BTBD7: variants seen among roughly 807,000 people sequenced by gnomAD.
BTBD7 encodes BTB domain containing 7.
A neutral mutation model predicts 99.9 loss-of-function variants in BTBD7; 38 were observed. The ratio of observed to expected loss-of-function variants is 0.38; its 90% CI spans 0.29 to 0.50. BTBD7 has a LOEUF of 0.50. BTBD7 is among the 20% of genes least tolerant of loss of function. BTBD7 has a pLI of 0.93. For missense variants in BTBD7, 1,170 were observed against 1,394.6 expected (o/e 0.84, Z 2.57); for synonymous variants, 520 against 511.4 (o/e 1.02, Z -0.23).
chr14:93,300,472 G>A (rs999853260), intron 1 of BTBD7, among the ~76,000 whole-genome samples: 7 of 151,898 alleles, frequency 4.6e-5, no homozygotes, highest in African/African-American at 1.2e-4. Flanking sequence ...TGGTCAGGCT[G>A]GTCTTGAACT....
chr14:93,253,957 T>G lies in BTBD7; in HGVS notation c.1609-167A>C, dbSNP rs2052399913. Among the ~76,000 whole-genome samples, 3 of 151,872 alleles carry G rather than the reference T, an allele frequency of 2.0e-5. No individual in the cohort carries two copies. In the South Asian group the frequency reaches 6.2e-4, roughly 32 times the overall value. On this transcript the variant is annotated intron_variant, in intron 6 of 10. Transcript: ENST00000334746. ...GAAATACCTCAAATTTTTTTTTTTT[T>G]GAGACAGAGTCTCACTGTCGCCCCG...
chr14:93,266,419 G>C (rs2052544452), intron 3 of BTBD7, among the ~76,000 whole-genome samples: 1 of 152,158 alleles, frequency 6.6e-6, no homozygotes, highest in Non-Finnish European at 1.5e-5. Context: ...CCAAGCAAGA[G>C]ATGATTTGGG....
chr14:93,316,481 T>C (rs1410718856), intron 1 of BTBD7, among the ~76,000 whole-genome samples: 1 of 152,146 alleles, frequency 6.6e-6, no homozygotes, highest in Admixed American at 6.5e-5. Flanking sequence ...ACTCTTGGCC[T>C]CAAGTGATCC....
intron 1 of BTBD7, among the ~76,000 whole-genome samples, chr14:93,303,088 A>T (rs1474466828): frequency 6.6e-6 from 1 of 152,224 alleles, no homozygotes; most frequent in African/African-American, 2.4e-5. Context: ...TACTGGAACA[A>T]AGCACAGAGT....
intron 1 of BTBD7, among the ~76,000 whole-genome samples, chr14:93,317,730 C>T (rs1305434392): frequency 1.3e-5 from 2 of 152,116 alleles, no homozygotes; most frequent in African/African-American, 2.4e-5. Flanking sequence ...TGGGAGTGTT[C>T]CCATAATTCC....
rs201449614 is a variant in BTBD7, at chr14:93,304,312, GA to G, written c.-106-8156del. ...AGAAAGATGGTTCACTCTAGATTTA[GA>G]GATGGTGATAAAAATGAGTCTAGAT... On this transcript the variant is annotated intron_variant, in intron 1 of 10. Coordinates refer to ENST00000334746, the MANE Select transcript of BTBD7 (RefSeq NM_001002860.4). Among the ~76,000 whole-genome samples, 955 of 152,356 alleles carry G rather than the reference GA, an allele frequency of 6.3e-3. 9 individuals are homozygous for G. Among genetic ancestry groups the G allele is most frequent in the African/African-American group, 0.022 (918 of 41,570 alleles).
chr14:93,320,254 T>C (rs2053254918), intron 1 of BTBD7, among the ~76,000 whole-genome samples: 1 of 152,186 alleles, frequency 6.6e-6, no homozygotes, highest in South Asian at 2.1e-4. Context: ...GGGGTGATTG[T>C]TCTCCCCTTC....
Position 93,294,787 on chromosome 14 carries a change from C to T in BTBD7, c.233G>A (p.Arg78Lys), listed in dbSNP as rs779325313. ...CATCTGCTTGGCATGATCGGCAGAC[C>T]TATTAGATTTCCGACGCTTAATAAA... Reference protein sequence around the residue: ...KKFIKRRKSNRSADHAKQMRE... With the variant: ...KKFIKRRKSNKSADHAKQMRE... Residue 78 changes from arginine (R) to lysine (K), a missense_variant, in exon 3 of 11, where the codon AGG (arginine) becomes AAG (lysine). Arg to Lys is a conservative substitution (Grantham distance 26). Coordinates refer to ENST00000334746, the MANE Select transcript of BTBD7 (RefSeq NM_001002860.4). The T allele has an allele frequency of 1.8e-5, 29 of 1,613,826 alleles. No homozygotes were observed. Among genetic ancestry groups the T allele is most frequent in the Non-Finnish European group, 2.1e-5 (25 of 1,179,998 alleles).
chr14:93,259,849 G>C (rs1243176665), intron 5 of BTBD7, among the ~76,000 whole-genome samples: 1 of 152,132 alleles, frequency 6.6e-6, no homozygotes, highest in African/African-American at 2.4e-5. Context: ...CAGGAGAATA[G>C]CTTGAACCCG....
chr14:93,302,702 C>T (rs1205168810), intron 1 of BTBD7, among the ~76,000 whole-genome samples: 3 of 151,930 alleles, frequency 2.0e-5, no homozygotes, highest in African/African-American at 4.8e-5. Flanking sequence ...AAAATTAGCC[C>T]GGCGTGGTGG....
intron 1 of BTBD7, among the ~76,000 whole-genome samples, chr14:93,303,192 T>C (rs1264899538): frequency 1.3e-5 from 2 of 151,994 alleles, no homozygotes; most frequent in South Asian, 2.1e-4. Flanking sequence ...GAAAGACTTA[T>C]TAGAGGATTC....
At chr14:93,246,557 T>C (rs968559532) in intron 9 of BTBD7, among the ~76,000 whole-genome samples, 1 of 152,246 alleles carries the variant, frequency 6.6e-6, no homozygotes, top group African/African-American at 2.4e-5. Context: ...GATTATGTGA[T>C]AATGCAAAAA....
Position 93,312,561 on chromosome 14 carries a change from T to A in BTBD7, c.-106-16404A>T, listed in dbSNP as rs151024280. Among the ~76,000 whole-genome samples the A allele has an allele frequency of 2.1e-3, 327 of 152,294 alleles. 1 individual carries two copies. The highest frequency in any genetic ancestry group is 7.5e-3 in the African/African-American group (313 of 41,562). ...TGAATGTGTGTTCTGAGCTAGGGAA[T>A]TCAGGAGTGGCCAACCCAGAGATTC... On this transcript the variant is annotated intron_variant, in intron 1 of 10. Coordinates refer to ENST00000334746, the MANE Select transcript of BTBD7 (RefSeq NM_001002860.4).
chr14:93,245,673 C>T, intron 10 of BTBD7, 152 bp downstream of exon 10: 1 of 1,394,110 alleles, frequency 7.2e-7, no homozygotes, highest in South Asian at 1.4e-5. Flanking sequence ...AGCGTTTTTC[C>T]CTCTTTTCCA....
chr14:93,309,841 G>C (rs1013093319), intron 1 of BTBD7, among the ~76,000 whole-genome samples: 11 of 151,948 alleles, frequency 7.2e-5, no homozygotes, highest in African/African-American at 2.4e-4. Context: ...TCCTTCCTTT[G>C]CAGGAGATAC....
intron 3 of BTBD7, among the ~76,000 whole-genome samples, chr14:93,289,329 G>GGTCT (rs1478301481): frequency 6.6e-6 from 1 of 152,124 alleles, no homozygotes; most frequent in African/African-American, 2.4e-5. Flanking sequence ...TTGGGGAAAG[G>GGTCT]GTCTGATCCC....
At chr14:93,278,919 T>C (rs1473856261) in intron 3 of BTBD7, among the ~76,000 whole-genome samples, 1 of 152,116 alleles carries the variant, frequency 6.6e-6, no homozygotes, top group Non-Finnish European at 1.5e-5. Context: ...ACAACGTGAG[T>C]AAAGTGCTTG....
At chr14:93,282,335 CTTTTTTTTT>C (rs71129622) in intron 3 of BTBD7, among the ~76,000 whole-genome samples, 8 of 140,004 alleles carry the variant, frequency 5.7e-5, no homozygotes, top group Non-Finnish European at 9.4e-5. Flanking sequence ...ATGCTTTTTT[CTTTTTTTTT>C]TTTTTTGAGA....
chr14:93,309,181 T>C (rs963078983), intron 1 of BTBD7, among the ~76,000 whole-genome samples: 1 of 152,158 alleles, frequency 6.6e-6, no homozygotes, highest in Admixed American at 6.5e-5. Context: ...GGCTTTTTCA[T>C]GTGTTAAGTC....
Sources: allele counts gnomAD v4.1 joint callset (sites outside exome capture counted in the v4.1 genomes callset), GRCh38; gene constraint gnomAD v4.1.1; transcripts MANE v1.5; gene names NCBI Gene and HGNC (gene_info 2026-07-23, HGNC 2026-07-21).